GABRB1: variants seen among roughly 807,000 people sequenced by gnomAD.
GABRB1 encodes the protein gamma-aminobutyric acid type A receptor subunit beta1, also known as gamma-aminobutyric acid receptor subunit beta-1.
Under a neutral mutation model 51.6 loss-of-function variants are expected in GABRB1, and 17 were observed. The ratio of observed to expected loss-of-function variants is 0.33; its 90% CI spans 0.23 to 0.49. The LOEUF is 0.49. Among genes scored for constraint, GABRB1 ranks in the 20% least tolerant of loss-of-function variants. GABRB1 has a pLI of 0.99. For missense variants in GABRB1, 410 were observed against 600.6 expected, an observed-to-expected ratio of 0.68 and a Z score of 3.32; for synonymous variants, 247 against 218.9, an observed-to-expected ratio of 1.13 and a Z score of -1.14.
At chr4:47,406,948 A>G in intron 8 of GABRB1, 22 bp downstream of exon 8, 1 of 1,601,786 alleles carries the variant, frequency 6.2e-7, no homozygotes, top group South Asian at 1.1e-5. Context: ...AATATTCCTA[A>G]CAATATTCTT....
chr4:47,281,655 C>G (rs548289930), intron 4 of GABRB1, among the ~76,000 whole-genome samples: 2 of 151,998 alleles, frequency 1.3e-5, no homozygotes, highest in African/African-American at 4.8e-5. Flanking sequence ...AAGTGTTTAT[C>G]AATGTATGAA....
chr4:47,403,835 C>A, intron 7 of GABRB1, 124 bp downstream of exon 7: 1 of 849,546 alleles, frequency 1.2e-6, no homozygotes, highest in Admixed American at 2.9e-5. Flanking sequence ...CTTACAAGTC[C>A]CTGAATATAA....
chr4:47,146,097 G>A (rs542760809), intron 3 of GABRB1, among the ~76,000 whole-genome samples: 1 of 152,124 alleles, frequency 6.6e-6, no homozygotes, highest in Non-Finnish European at 1.5e-5. Flanking sequence ...ATGTTTGCAG[G>A]TATCACTTTA....
intron 3 of GABRB1, among the ~76,000 whole-genome samples, chr4:47,125,555 A>ATTTTTTTTTTTTTTTTTTTTTTTTTTTT (rs570181191): frequency 4.8e-5 from 1 of 21,014 alleles, no homozygotes; most frequent in Non-Finnish European, 1.0e-4. Context: ...ACAAAGTATA[A>ATTTTTTTTTTTTTTTTTTTTTTTTTTTT]TTTCTTTTTT....
chr4:47,301,549 G>A (rs1024796928), intron 4 of GABRB1, among the ~76,000 whole-genome samples: 5 of 150,820 alleles, frequency 3.3e-5, no homozygotes, highest in African/African-American at 1.2e-4. Context: ...TCAGGGGATC[G>A]CTTGAGCCCA....
Position 47,031,941 on chromosome 4 carries a change from C to G in GABRB1, c.108C>G (p.Tyr36Ter). The change falls in exon 2 of 9, where the codon TAC (tyrosine) becomes TAG (stop). Residue 36 changes from tyrosine (Y) to a stop codon, truncating the protein, a stop_gained. Transcript: ENST00000295454. LOFTEE classifies it high-confidence loss of function. Reference protein sequence around the residue: ...HSTNEPSNMSYVKETVDRLLK... With the variant: ...HSTNEPSNMS ...CCAATGAACCCAGCAACATGTCATA[C>G]GTGAAAGAGACAGTGGACAGATTGC... The G allele has an allele frequency of 6.2e-7, 1 of 1,613,968 alleles. No homozygotes were observed. The highest frequency in any genetic ancestry group is 1.1e-5 in the South Asian group (1 of 91,078).
intron 3 of GABRB1, among the ~76,000 whole-genome samples, chr4:47,134,040 T>C (rs748118525): frequency 1.3e-5 from 2 of 152,216 alleles, no homozygotes; most frequent in Non-Finnish European, 2.9e-5. Context: ...GTCAGTATCT[T>C]ACCACTTCAA....
intron 3 of GABRB1, among the ~76,000 whole-genome samples, chr4:47,159,991 T>C (rs1164155496): frequency 6.6e-6 from 1 of 152,132 alleles, no homozygotes; most frequent in South Asian, 2.1e-4. Context: ...TCAAAGACTT[T>C]AGGATTTTAC....
At position 47,104,642 on chromosome 4, in the gene GABRB1, T is replaced by C. The variant is rs374911367; in HGVS notation, c.241-56607T>C. ...TGTCTTACTCTTTTTTCTATTTCCT[T>C]TTCAGTTTGGGTAAATTCTGTTGAC... On this transcript the variant is annotated intron_variant, in intron 3 of 8. Transcript: ENST00000295454. 5.3e-5 allele frequency among the ~76,000 whole-genome samples: 8 copies of C among 152,100 alleles called. No individual in the cohort carries two copies. In the East Asian group the frequency reaches 7.7e-4, roughly 15 times the overall value.
chr4:47,387,355 C>T (rs1253580133), intron 5 of GABRB1, among the ~76,000 whole-genome samples: 1 of 151,976 alleles, frequency 6.6e-6, no homozygotes, highest in Non-Finnish European at 1.5e-5. Flanking sequence ...ACTTGTAATC[C>T]CAGCTACTCT....
chr4:47,300,473 A>G (rs1400182335), intron 4 of GABRB1, among the ~76,000 whole-genome samples: 1 of 152,118 alleles, frequency 6.6e-6, no homozygotes, highest in Non-Finnish European at 1.5e-5. Context: ...TATTTTTCAT[A>G]ATCTTAAATA....
intron 4 of GABRB1, among the ~76,000 whole-genome samples, chr4:47,311,237 T>TACAACAACAACAACAACAACAACAACA (rs1382390835): frequency 2.1e-5 from 3 of 142,450 alleles, no homozygotes; most frequent in Non-Finnish European, 3.0e-5. Context: ...CTACTAAAAA[T>TACAACAACAACAACAACAACAACAACA]ACAACAACAA....
At chr4:47,252,150 A>T (rs1437633191) in intron 4 of GABRB1, among the ~76,000 whole-genome samples, 7 of 133,940 alleles carry the variant, frequency 5.2e-5, no homozygotes, top group Non-Finnish European at 1.1e-4. Flanking sequence ...GGTGCCAGGC[A>T]GGAATGGCCT....
At chr4:47,083,481 T>A (rs948087680) in intron 3 of GABRB1, among the ~76,000 whole-genome samples, 1 of 152,162 alleles carries the variant, frequency 6.6e-6, no homozygotes. Context: ...CCCAAGAGTA[T>A]ATATTCTTCC....
intron 4 of GABRB1, among the ~76,000 whole-genome samples, chr4:47,221,874 T>A (rs1720780342): frequency 6.6e-6 from 1 of 152,062 alleles, no homozygotes. Flanking sequence ...TTCATTAACA[T>A]AGAACTCCTG....
chr4:47,410,221 TTC>T (rs1728715611), intron 8 of GABRB1, among the ~76,000 whole-genome samples: 1 of 152,184 alleles, frequency 6.6e-6, no homozygotes, highest in South Asian at 2.1e-4. Context: ...CACAAATGAT[TTC>T]CACAGAAAAA....
intron 3 of GABRB1, among the ~76,000 whole-genome samples, chr4:47,088,411 G>C (rs767305337): frequency 2.6e-5 from 4 of 152,186 alleles, no homozygotes; most frequent in Non-Finnish European, 5.9e-5. Context: ...TTTACACTGA[G>C]ACCTGAAGAA....
intron 5 of GABRB1, among the ~76,000 whole-genome samples, chr4:47,345,072 C>T (rs564935706): frequency 2.0e-5 from 3 of 152,034 alleles, no homozygotes; most frequent in Non-Finnish European, 4.4e-5. Flanking sequence ...CAGTGCCTGG[C>T]GAAGCATTTA....
chr4:47,366,198 G>T (rs1448188773), intron 5 of GABRB1, among the ~76,000 whole-genome samples: 2 of 152,040 alleles, frequency 1.3e-5, no homozygotes, highest in African/African-American at 4.8e-5. Context: ...TTCCTTTCTT[G>T]TCCAAATTTA....
Sources: allele counts gnomAD v4.1 joint callset (sites outside exome capture counted in the v4.1 genomes callset), GRCh38; gene constraint gnomAD v4.1.1; transcripts MANE v1.5; gene names NCBI Gene and HGNC (gene_info 2026-07-23, HGNC 2026-07-21).